Variants in POP5 observed in about 807,000 individuals in gnomAD.
The protein encoded by POP5 is ribonuclease P/MRP protein subunit POP5.
POP5 carries 18 observed loss-of-function variants against 20.7 expected under a neutral mutation model. The observed-to-expected ratio is 0.87, with a 90% CI of 0.60 to 1.29. POP5 has a LOEUF of 1.29. POP5 is among the 50% of genes most tolerant of loss of function. The probability of loss-of-function intolerance (pLI) is 0.00; values close to 1 mark genes in which losing one functional copy is unlikely to be tolerated. For synonymous variants in POP5, 91 were observed against 78.0 expected, an observed-to-expected ratio of 1.17 and a Z score of -0.88; for missense variants, 200 against 203.2, an observed-to-expected ratio of 0.98 and a Z score of 0.10.
intron 2 of POP5, chr12:120,580,565 G>A (rs914937381): frequency 1.9e-5 from 3 of 155,836 alleles, no homozygotes; most frequent in Admixed American, 6.3e-5. Context: ...ACCTGACTTA[G>A]GAGAGTTAAG....
intron 3 of POP5, 61 bp downstream of exon 3, chr12:120,579,713 T>C (rs1877759305): frequency 1.3e-6 from 2 of 1,556,282 alleles, no homozygotes; most frequent in Non-Finnish European, 1.8e-6. Context: ...CCCACCAGTT[T>C]AGACTGAACT....
At chr12:120,579,945 A>G in intron 2 of POP5, 22 bp from the exon 3 acceptor site, 1 of 1,609,412 alleles carries the variant, frequency 6.2e-7, no homozygotes, top group Non-Finnish European at 8.5e-7. Flanking sequence ...AAGAAAAATC[A>G]TTTTGGAAAA....
chr12:120,579,024 C>G lies in POP5; in HGVS notation c.*294G>C. Reference sequence around the variant, plus strand: ...CAAGCATGGACTCCATAAGCCCTTTCTGTAATATAAGTATGCTAAATGCCA... The same window carrying G: ...CAAGCATGGACTCCATAAGCCCTTTGTGTAATATAAGTATGCTAAATGCCA... On this transcript the variant is annotated 3_prime_UTR_variant, in exon 5 of 5. Coordinates refer to ENST00000357500, the MANE Select transcript of POP5 (RefSeq NM_015918.4). The G allele has an allele frequency of 2.3e-6, 1 of 434,840 alleles. No individual in the cohort carries two copies. The highest frequency in any genetic ancestry group is 6.8e-4 in the Middle Eastern group (1 of 1,468). 26.9% of individuals were successfully genotyped at this position (434,840 alleles called of 1,614,324 possible).
chr12:120,581,098 C>T lies in POP5; in HGVS notation c.163+17G>A. The T allele has an allele frequency of 6.2e-7, 1 of 1,606,834 alleles. No individual in the cohort carries two copies. The highest frequency in any genetic ancestry group is 1.1e-5 in the South Asian group (1 of 90,958). ...GCCATCCTCCCGGGTTCCCCTCTTCCCCCAGCGCCCTTGCACCCGCGAAGC... is the reference window on the plus strand; with the variant it reads ...GCCATCCTCCCGGGTTCCCCTCTTCTCCCAGCGCCCTTGCACCCGCGAAGC... On this transcript the variant is annotated intron_variant, in intron 2 of 4. Transcript: ENST00000357500.
chr12:120,579,287 C>A lies in POP5; in HGVS notation c.*31G>T. The A allele has an allele frequency of 2.5e-6, 4 of 1,583,436 alleles. No homozygotes were observed. Among genetic ancestry groups the A allele is most frequent in the East Asian group, 2.2e-5 (1 of 44,732 alleles). Reference sequence around the variant, plus strand: ...TCAACAAGTGGGCCTGAAGCCTGAGCAGTGTAGCCAGCTGTGTGGGGAGCA... The same window carrying A: ...TCAACAAGTGGGCCTGAAGCCTGAGAAGTGTAGCCAGCTGTGTGGGGAGCA... On this transcript the variant is annotated 3_prime_UTR_variant, in exon 5 of 5. Coordinates refer to ENST00000357500, the MANE Select transcript of POP5 (RefSeq NM_015918.4).
chr12:120,579,469 T>C (rs1270784133), intron 4 of POP5, 45 bp downstream of exon 4: 1 of 1,607,170 alleles, frequency 6.2e-7, no homozygotes, highest in East Asian at 2.2e-5. Flanking sequence ...TTCTTCAGCT[T>C]AAGGTCAGTC....
In POP5 at chr12:120,579,168, G is replaced by A. The variant is rs1877702531; in HGVS notation, c.*150C>T. On this transcript the variant is annotated 3_prime_UTR_variant, in exon 5 of 5. Transcript: ENST00000357500. ...AGGTAAAGGCAACTTCAGTTTAACTGAGTACTCCATTTCAAGTGGGTAATG... is the reference window on the plus strand; with the variant it reads ...AGGTAAAGGCAACTTCAGTTTAACTAAGTACTCCATTTCAAGTGGGTAATG... The A allele has an allele frequency of 1.4e-6, 1 of 692,590 alleles. No individual in the cohort carries two copies. The highest frequency in any genetic ancestry group is 2.5e-6 in the Non-Finnish European group (1 of 392,928). The allele number at this position is 692,590 out of a possible 1,614,324, so 42.9% of individuals were successfully genotyped here.
chr12:120,581,339 T>G lies in POP5; in HGVS notation c.20+4A>C. The G allele has an allele frequency of 6.2e-7, 1 of 1,613,832 alleles. No individual in the cohort carries two copies. The highest frequency in any genetic ancestry group is 1.3e-5 in the African/African-American group (1 of 75,072). On this transcript the variant is annotated splice_donor_region_variant and intron_variant, in intron 1 of 4. Transcript: ENST00000357500. ...ACTGGGAGGGTCTGGAAGGGAATGC[T>G]TACCTGTGCTTGAACCGCACCATGG...
rs1470433442 is a variant in POP5, at chr12:120,579,554, C to T, written c.357G>A (p.Arg119=). The T allele has an allele frequency of 1.2e-6, 2 of 1,614,054 alleles. No homozygotes were observed. The highest frequency in any genetic ancestry group is 1.7e-6 in the Non-Finnish European group (2 of 1,180,008). Residue 119 remains arginine (R), a synonymous_variant, in exon 4 of 5, where the codon AGG becomes AGA. Coordinates refer to ENST00000357500, the MANE Select transcript of POP5 (RefSeq NM_015918.4). ...TCTGCAACAAGATCAACAGCTGTCT[C>T]CTGTTGTACTGAATTAGGAACTTCT... is the stretch of plus-strand genomic sequence containing the variant. The part of the protein sequence containing the change: ...TCQKFLIQYN[R]RQLLILLQNC...
Position 120,581,262 on chromosome 12 carries a change from G to T in POP5, c.21-5C>A. ...ACCAGTTCGCAGAGCAGGTACCTGCGGCAGGCGAGAGGAAGGTGGACACTA... is the reference window on the plus strand; with the variant it reads ...ACCAGTTCGCAGAGCAGGTACCTGCTGCAGGCGAGAGGAAGGTGGACACTA... On this transcript the variant is annotated splice_region_variant and splice_polypyrimidine_tract_variant and intron_variant, in intron 1 of 4. Transcript: ENST00000357500. 3 of 1,614,216 alleles carry T rather than the reference G, an allele frequency of 1.9e-6. No individual in the cohort carries two copies. The highest frequency in any genetic ancestry group is 2.2e-5 in the South Asian group (2 of 91,086).
rs1421132381 is a variant in POP5 at position 120,579,381 on chromosome 12, T to C, written c.429A>G (p.Thr143=). 3 of 1,614,190 alleles carry C rather than the reference T, an allele frequency of 1.9e-6. No individual in the cohort carries two copies. Among genetic ancestry groups the C allele is most frequent in the Non-Finnish European group, 2.5e-6 (3 of 1,179,996 alleles). The change falls in exon 5 of 5, where the codon ACA becomes ACG. Residue 143 remains threonine (T), a synonymous_variant. Transcript: ENST00000357500. ...GEREAIQKSV[T]RSCLLEEEEE... ...CCTCCTCCTCTAATAAGCAGCTTCT[T>C]GTCACAGACTTCTGGATAGCTTCCC...
intron 2 of POP5, among the ~76,000 whole-genome samples, chr12:120,580,309 G>A (rs747744364): frequency 3.3e-5 from 5 of 152,358 alleles, no homozygotes; most frequent in East Asian, 1.9e-4. Context: ...CAAGTGGCAC[G>A]TAGATCTATC....
intron 2 of POP5, chr12:120,580,899 GC>G: frequency 1.6e-6 from 1 of 640,480 alleles, no homozygotes; most frequent in Non-Finnish European, 2.6e-6. Flanking sequence ...GTAAAAAGAG[GC>G]TTCTAGCTCA....
chr12:120,579,564 T>C lies in POP5; in HGVS notation c.347A>G (p.Gln116Arg). The change falls in exon 4 of 5, where the codon CAG (glutamine) becomes CGG (arginine). Residue 116 changes from glutamine (Q) to arginine (R), a missense_variant. Coordinates refer to ENST00000357500, the MANE Select transcript of POP5 (RefSeq NM_015918.4). ...GATCAACAGCTGTCTCCTGTTGTAC[T>C]GAATTAGGAACTTCTGACATGTTCT... Reference protein sequence around the residue: ...TIRTCQKFLIQYNRRQLLILL... With the variant: ...TIRTCQKFLIRYNRRQLLILL... 1 of 1,614,128 alleles carries C rather than the reference T, an allele frequency of 6.2e-7. No individual in the cohort carries two copies. Among genetic ancestry groups the C allele is most frequent in the South Asian group, 1.1e-5 (1 of 91,080 alleles).
intron 2 of POP5, chr12:120,580,221 G>C (rs897463587): frequency 1.1e-4 from 30 of 285,412 alleles, no homozygotes; most frequent in African/African-American, 6.4e-4. Flanking sequence ...CAGCAGCCTG[G>C]GCAACAGCCA....
In POP5 at chr12:120,579,858, C is replaced by T. The variant is rs944122433; in HGVS notation, c.229G>A (p.Val77Met). Residue 77 changes from valine to methionine, a missense_variant, in exon 3 of 5, where the codon GTG becomes ATG. Physicochemically the swap from Val to Met is conservative, Grantham distance 21. Coordinates refer to ENST00000357500, the MANE Select transcript of POP5 (RefSeq NM_015918.4). ...GTGATGAAGGGAAGAGCTGACCACA[C>T]AAGCTGATAGAATTCTTTTCTGCAT... ...LRCRKEFYQL[V>M]WSALPFITYL... 1 of 1,609,432 alleles carries T rather than the reference C, an allele frequency of 6.2e-7. No individual in the cohort carries two copies. Among genetic ancestry groups the T allele is most frequent in the Non-Finnish European group, 8.5e-7 (1 of 1,175,670 alleles).
At chr12:120,581,047 T>G in intron 2 of POP5, 68 bp downstream of exon 2, 1 of 1,575,340 alleles carries the variant, frequency 6.3e-7, no homozygotes. Flanking sequence ...TCTTTCTTCC[T>G]CCGGCGCCTG....
rs951946447 is a variant in POP5, at chr12:120,580,034, G to A, written c.164-111C>T. On this transcript the variant is annotated intron_variant, in intron 2 of 4. Transcript: ENST00000357500. The stretch of plus-strand genomic sequence containing the variant: ...AGGCGGGCAGATCACTTTAAGTCAG[G>A]AGTTCGAGGCCAGCCTGGCCAACAT... The A allele has an allele frequency of 1.2e-5, 12 of 1,037,426 alleles. No individual in the cohort carries two copies. The South Asian group carries it at 1.9e-4, about 16-fold the overall frequency. The allele number at this position is 1,037,426 out of a possible 1,614,324, so 64.3% of individuals were successfully genotyped here.
In POP5 at chr12:120,579,781, A is replaced by G; in HGVS notation, c.306T>C (p.His102=). ...ATACCACCTCACTCCTACCTCCCAC[A>G]TGTAATGTGTTGAAAAAGCATGGGT... The part of the protein sequence containing the change: ...HRYPCFFNTL[H]VGGTIRTCQK... Residue 102 remains histidine, a synonymous_variant, in exon 3 of 5, where the codon CAT becomes CAC. Transcript: ENST00000357500. 4 of 1,606,616 alleles carry G rather than the reference A, an allele frequency of 2.5e-6. No homozygotes were observed. Among genetic ancestry groups the G allele is most frequent in the Middle Eastern group, 1.7e-4 (1 of 6,046 alleles).
Sources: allele counts gnomAD v4.1 joint callset (sites outside exome capture counted in the v4.1 genomes callset), GRCh38; gene constraint gnomAD v4.1.1; transcripts MANE v1.5; gene names NCBI Gene and HGNC (gene_info 2026-07-23, HGNC 2026-07-21).